Variants in CREB5 observed in about 807,000 individuals in gnomAD.
The protein encoded by CREB5 is cAMP responsive element binding protein 5.
A neutral mutation model predicts 57.1 loss-of-function variants in CREB5; 19 were observed. The ratio of observed to expected loss-of-function variants is 0.33; its 90% CI spans 0.23 to 0.49. The LOEUF is 0.49. CREB5 is among the 20% of genes least tolerant of loss of function. The pLI is 0.99. For synonymous variants in CREB5, 238 were observed against 238.3 expected (o/e 1.00, Z 0.01); for missense variants, 579 against 671.6 (o/e 0.86, Z 1.52).
At position 28,546,047 on chromosome 7, in the gene CREB5, G is replaced by A. The variant is rs144894140; in HGVS notation, c.292-24318G>A. ...TTAGTGCCCATAGGCATCACTCCCC[G>A]TCCCCATCCCCTTAGTCCTAGGCAA... is the stretch of plus-strand genomic sequence containing the variant. On this transcript the variant is annotated intron_variant, in intron 4 of 10. Transcript: ENST00000357727. 9.8e-3 allele frequency among the ~76,000 whole-genome samples: 1,487 copies of A among 152,080 alleles called. 13 individuals are homozygous for A. The highest frequency in any genetic ancestry group is 0.023 in the African/African-American group (950 of 41,492).
intron 5 of CREB5, among the ~76,000 whole-genome samples, chr7:28,645,620 G>T (rs1319077767): frequency 6.6e-6 from 1 of 152,198 alleles, no homozygotes; most frequent in African/African-American, 2.4e-5. Flanking sequence ...GTCAGAGGAA[G>T]AACTAAAATG....
intron 5 of CREB5, among the ~76,000 whole-genome samples, chr7:28,611,164 A>T (rs965810247): frequency 6.6e-6 from 1 of 152,130 alleles, no homozygotes; most frequent in South Asian, 2.1e-4. Flanking sequence ...CAGGTCATAC[A>T]TTGGGACAAA....
chr7:28,724,501 C>A, intron 7 of CREB5, 169 bp downstream of exon 7: 1 of 591,642 alleles, frequency 1.7e-6, no homozygotes, highest in African/African-American at 1.9e-5. Context: ...GTTACAGAGC[C>A]TTGGTGTCAG....
intron 1 of CREB5, among the ~76,000 whole-genome samples, chr7:28,417,744 A>G (rs1022609556): frequency 6.6e-6 from 1 of 152,232 alleles, no homozygotes; most frequent in African/African-American, 2.4e-5. Context: ...GGATTGCAGT[A>G]AAGCGTTCAT....
chr7:28,383,372 A>G (rs1787005443), intron 1 of CREB5, among the ~76,000 whole-genome samples: 3 of 152,212 alleles, frequency 2.0e-5, no homozygotes, highest in Non-Finnish European at 4.4e-5. Context: ...CCATTCTTGC[A>G]TTGTTGTAAA....
At chr7:28,788,092 T>TCA (rs1380518795) in intron 7 of CREB5, among the ~76,000 whole-genome samples, 2 of 152,208 alleles carry the variant, frequency 1.3e-5, no homozygotes, top group Admixed American at 1.3e-4. Flanking sequence ...AACCTGGCTG[T>TCA]CAGGTTAAGG....
chr7:28,427,440 A>G (rs2128014377), intron 1 of CREB5, among the ~76,000 whole-genome samples: 1 of 152,274 alleles, frequency 6.6e-6, no homozygotes, highest in South Asian at 2.1e-4. Context: ...ACACATGACC[A>G]ACTTTTGGCA....
At chr7:28,656,222 A>C (rs1360037069) in intron 5 of CREB5, among the ~76,000 whole-genome samples, 12 of 152,244 alleles carry the variant, frequency 7.9e-5, no homozygotes. Context: ...ACTTGAACAC[A>C]AATTTATCTT....
At chr7:28,634,618 A>G (rs1204602991) in intron 5 of CREB5, among the ~76,000 whole-genome samples, 2 of 152,048 alleles carry the variant, frequency 1.3e-5, no homozygotes, top group Admixed American at 1.3e-4. Context: ...CAAAATTGTA[A>G]TCCCAGAAAC....
At chr7:28,508,022 G>A (rs191737210) in intron 4 of CREB5, among the ~76,000 whole-genome samples, 1 of 152,308 alleles carries the variant, frequency 6.6e-6, no homozygotes, top group African/African-American at 2.4e-5. Flanking sequence ...AGTGAGTGCA[G>A]AAGAATAGAG....
chr7:28,407,567 A>T (rs1254183134), upstream of CREB5, among the ~76,000 whole-genome samples: 1 of 152,188 alleles, frequency 6.6e-6, no homozygotes, highest in Non-Finnish European at 1.5e-5. Context: ...TGTGTGTGAG[A>T]TCTGGAATAT....
chr7:28,582,945 T>C (rs961522073), intron 5 of CREB5, among the ~76,000 whole-genome samples: 1 of 152,166 alleles, frequency 6.6e-6, no homozygotes, highest in African/African-American at 2.4e-5. Flanking sequence ...TCCCAGAACA[T>C]TGTAATGTGA....
chr7:28,461,850 G>A (rs1484311482), intron 1 of CREB5, among the ~76,000 whole-genome samples: 1 of 151,968 alleles, frequency 6.6e-6, no homozygotes, highest in African/African-American at 2.4e-5. Context: ...AATGTAGAGA[G>A]CCCACTTGTA....
intron 7 of CREB5, among the ~76,000 whole-genome samples, chr7:28,727,886 C>T (rs1297915806): frequency 6.6e-6 from 1 of 152,146 alleles, no homozygotes; most frequent in Non-Finnish European, 1.5e-5. Context: ...ACAGGTGTGA[C>T]CTGATTTTCT....
rs75446239 is a variant in CREB5, at chr7:28,511,857, G to A, written c.291+4120G>A. On this transcript the variant is annotated intron_variant, in intron 4 of 10. Transcript: ENST00000357727. The stretch of plus-strand genomic sequence containing the variant: ...GGAAGATCACTTTGGCTGCTGAGTT[G>A]AAAGCAAACTATCGAAGAGCAGTGG... Among the ~76,000 whole-genome samples, 193 of 152,346 alleles carry A rather than the reference G, an allele frequency of 1.3e-3. 2 individuals carry two copies. The highest frequency in any genetic ancestry group is 4.5e-3 in the African/African-American group (189 of 41,582).
chr7:28,816,795 G>T (rs1036815278), intron 9 of CREB5, among the ~76,000 whole-genome samples: 1 of 152,146 alleles, frequency 6.6e-6, no homozygotes, highest in African/African-American at 2.4e-5. Context: ...AATGTTAATC[G>T]TCCTTTTCGG....
intron 5 of CREB5, among the ~76,000 whole-genome samples, chr7:28,621,707 G>C (rs150898738): frequency 6.6e-6 from 1 of 152,108 alleles, no homozygotes; most frequent in Non-Finnish European, 1.5e-5. Flanking sequence ...TCTGTGGTGC[G>C]CTGTGAAGTC....
chr7:28,692,178 T>C, intron 5 of CREB5, among the ~76,000 whole-genome samples: 1 of 65,656 alleles, frequency 1.5e-5, no homozygotes. Flanking sequence ...AGAGCGAGAC[T>C]CCGTCTCCAA....
At chr7:28,793,542 C>G (rs1807851749) in intron 7 of CREB5, among the ~76,000 whole-genome samples, 1 of 152,218 alleles carries the variant, frequency 6.6e-6, no homozygotes, top group Non-Finnish European at 1.5e-5. Flanking sequence ...CTCCAGTCCC[C>G]TGAGGGCTTT....
Sources: gnomAD v4.1 joint callset for allele counts (sites outside exome capture counted in the v4.1 genomes callset) on GRCh38, gnomAD v4.1.1 for gene constraint, MANE v1.5 for transcripts, NCBI Gene and HGNC (gene_info 2026-07-23, HGNC 2026-07-21) for gene names.